DOCK9: variants seen among roughly 807,000 people sequenced by gnomAD.
DOCK9 encodes the protein dedicator of cytokinesis protein 9.
In DOCK9, 89 loss-of-function variants were observed where a neutral mutation model predicts 263.3. The observed-to-expected ratio is 0.34, with a 90% confidence interval of 0.28 to 0.40. The LOEUF is 0.40. DOCK9 is among the 10% of genes least tolerant of loss of function. DOCK9 has a pLI of 1.00. For synonymous variants in DOCK9, 976 were observed against 973.1 expected, an observed-to-expected ratio of 1.00 and a Z score of -0.06; for missense variants, 2,140 against 2,603.4, an observed-to-expected ratio of 0.82 and a Z score of 3.87.
chr13:99,080,490 T>C (rs1177015287), intron 1 of DOCK9, among the ~76,000 whole-genome samples: 2 of 152,248 alleles, frequency 1.3e-5, no homozygotes, highest in African/African-American at 4.8e-5. Flanking sequence ...AGCCAATCAA[T>C]GAAATTGTTC....
At chr13:99,053,719 G>A (rs2040803155) in intron 1 of DOCK9, among the ~76,000 whole-genome samples, 1 of 152,180 alleles carries the variant, frequency 6.6e-6, no homozygotes, top group Non-Finnish European at 1.5e-5. Flanking sequence ...ATCAGTTACT[G>A]TAACCAAGAA....
intron 26 of DOCK9, 63 bp from the exon 27 acceptor site, chr13:98,880,032 C>T: frequency 7.9e-7 from 1 of 1,261,896 alleles, no homozygotes; most frequent in Non-Finnish European, 1.1e-6. Flanking sequence ...GACATGAACT[C>T]TCTCAGGCTG....
At chr13:98,828,108 C>G (rs1566625428) in intron 43 of DOCK9, among the ~76,000 whole-genome samples, 1 of 152,162 alleles carries the variant, frequency 6.6e-6, no homozygotes, top group Non-Finnish European at 1.5e-5. Context: ...AGCCAAGGAA[C>G]ATCAAGACTG....
chr13:98,840,539 T>C (rs2093172793), intron 38 of DOCK9, among the ~76,000 whole-genome samples: 1 of 152,184 alleles, frequency 6.6e-6, no homozygotes, highest in South Asian at 2.1e-4. Flanking sequence ...CAGATGAAAT[T>C]TGTCTACACT....
chr13:98,887,141 A>ATTTTT (rs1335567169), intron 18 of DOCK9, among the ~76,000 whole-genome samples: 10 of 59,612 alleles, frequency 1.7e-4, no homozygotes, highest in Non-Finnish European at 2.7e-4. Flanking sequence ...ATATATATAT[A>ATTTTT]TATTTTTTTT....
In DOCK9 at chr13:98,810,104, G is replaced by C. The variant is rs560451467; in HGVS notation, c.5253+65C>G. ...CTGCTTCCTCTCTCACATATATGCAGGTCTGGGTATATGTCACAGCGTCAT... is the reference window on the plus strand; with the variant it reads ...CTGCTTCCTCTCTCACATATATGCACGTCTGGGTATATGTCACAGCGTCAT... On this transcript the variant is annotated intron_variant, in intron 46 of 52. Coordinates refer to ENST00000682017, the MANE Select transcript of DOCK9 (RefSeq NM_001366683.2). The C allele has an allele frequency of 6.3e-5, 101 of 1,603,540 alleles. 1 individual carries two copies. Among genetic ancestry groups the C allele is most frequent in the Non-Finnish European group, 8.3e-5 (97 of 1,174,978 alleles).
intron 2 of DOCK9, among the ~76,000 whole-genome samples, chr13:98,940,121 C>G (rs774023522): frequency 6.6e-6 from 1 of 152,196 alleles, no homozygotes. Flanking sequence ...CAGTACCAAG[C>G]TAGACTGGAA....
At position 98,831,454 on chromosome 13, in the gene DOCK9, G is replaced by T. The variant is rs1208583210; in HGVS notation, c.4529C>A (p.Ser1510Tyr). The change falls in exon 41 of 53, where the codon TCC (serine) becomes TAC (tyrosine). Residue 1510 changes from serine (S) to tyrosine (Y), a missense_variant. By Grantham distance (144) the Ser-to-Tyr change is moderately radical. Transcript: ENST00000682017. ...CTCCGTCCTGATGGAGCTCAGCTTG[G>T]AGTTACAGCACTTGAGAATCTCGTA... ...LCYEILKCCNSKLSSIRTEAS... is the reference protein window; with the variant it reads ...LCYEILKCCNYKLSSIRTEAS... 3 of 1,597,532 alleles carry T rather than the reference G, an allele frequency of 1.9e-6. No homozygotes were observed. Among genetic ancestry groups the T allele is most frequent in the African/African-American group, 2.7e-5 (2 of 74,644 alleles).
chr13:99,086,261 G>A lies in DOCK9; in HGVS notation c.91C>T (p.Gln31Ter). 2.0e-6 allele frequency: 3 copies of A among 1,500,268 alleles called. No individual in the cohort carries two copies. The highest frequency in any genetic ancestry group is 1.8e-6 in the Non-Finnish European group (2 of 1,131,362). The allele number at this position is 1,500,268 out of a possible 1,614,324, so 92.9% of individuals were successfully genotyped here. ...CCGCGCACCACCTCAGACACGCTCT[G>A]CCGCAGCTCGGCCGCCGTGCCCGGC... Residue 31 changes from glutamine (Q) to a stop codon, truncating the protein, a stop_gained, in exon 1 of 33, where the codon CAG becomes TAG. Transcript: ENST00000427887. LOFTEE classifies it high-confidence loss of function.
chr13:98,938,054 T>C (rs2055189094), intron 2 of DOCK9, among the ~76,000 whole-genome samples: 1 of 152,182 alleles, frequency 6.6e-6, no homozygotes, highest in Non-Finnish European at 1.5e-5. Flanking sequence ...CACTGCTCTC[T>C]CTGCAGCTTA....
At chr13:99,002,551 T>A (rs934036439) in intron 1 of DOCK9, among the ~76,000 whole-genome samples, 1 of 152,224 alleles carries the variant, frequency 6.6e-6, no homozygotes, top group Non-Finnish European at 1.5e-5. Context: ...CCCTGGTCAG[T>A]GGGTTCACAC....
rs555274511 is a variant in DOCK9, at chr13:98,916,442, G to A, written c.718-939C>T. Among the ~76,000 whole-genome samples, 3 of 152,302 alleles carry A rather than the reference G, an allele frequency of 2.0e-5. No homozygotes were observed. In the South Asian group the frequency reaches 6.2e-4, roughly 32 times the overall value. On this transcript the variant is annotated intron_variant, in intron 7 of 52. Transcript: ENST00000682017. ...CACTCCCACTAACCTGAGCCAGCAGGACAGCCCCCCGCATAGCCACTAAAA... is the reference window on the plus strand; with the variant it reads ...CACTCCCACTAACCTGAGCCAGCAGAACAGCCCCCCGCATAGCCACTAAAA...
At chr13:98,847,097 A>G (rs7986477) in intron 37 of DOCK9, 32,384 of 156,112 alleles carry the variant, frequency 0.21, 3,584 homozygotes, top group South Asian at 0.27. Flanking sequence ...TACGTTAACC[A>G]TTTCACAAAA....
chr13:98,839,774 C>T (rs2093141869), intron 38 of DOCK9, among the ~76,000 whole-genome samples: 1 of 152,218 alleles, frequency 6.6e-6, no homozygotes, highest in East Asian at 1.9e-4. Context: ...TGTTTTAAAA[C>T]ATACCATCAA....
intron 1 of DOCK9, among the ~76,000 whole-genome samples, chr13:99,048,987 G>A (rs753782878): frequency 5.9e-5 from 9 of 152,168 alleles, no homozygotes; most frequent in African/African-American, 2.2e-4. Context: ...TGTGGAGTTC[G>A]TGTTTAATTT....
At chr13:99,035,967 C>T (rs1010671202) in intron 1 of DOCK9, among the ~76,000 whole-genome samples, 2 of 152,160 alleles carry the variant, frequency 1.3e-5, no homozygotes, top group African/African-American at 4.8e-5. Context: ...GGACAACAGA[C>T]TCACTTTGAA....
chr13:98,843,033 C>T (rs1239287464), intron 38 of DOCK9, among the ~76,000 whole-genome samples: 1 of 152,154 alleles, frequency 6.6e-6, no homozygotes, highest in Non-Finnish European at 1.5e-5. Context: ...TGGGGACAGA[C>T]CTACAAAGGA....
intron 1 of DOCK9, among the ~76,000 whole-genome samples, chr13:99,058,586 C>T (rs1197159250): frequency 6.6e-6 from 1 of 152,142 alleles, no homozygotes; most frequent in African/African-American, 2.4e-5. Flanking sequence ...CACCTCTTCC[C>T]TCATCCTGCT....
intron 1 of DOCK9, among the ~76,000 whole-genome samples, chr13:98,969,427 A>G (rs2059510298): frequency 2.0e-5 from 3 of 151,806 alleles, no homozygotes; most frequent in African/African-American, 7.3e-5. Context: ...ACATTCCCCA[A>G]AGAGTCACCA....
Sources: allele counts gnomAD v4.1 joint callset (sites outside exome capture counted in the v4.1 genomes callset), GRCh38; gene constraint gnomAD v4.1.1; transcripts MANE v1.5; gene names NCBI Gene and HGNC (gene_info 2026-07-23, HGNC 2026-07-21).